PPM1L: variants seen among roughly 807,000 people sequenced by gnomAD.
The protein encoded by PPM1L is protein phosphatase 1L.
PPM1L carries 13 observed loss-of-function variants against 31.4 expected under a neutral mutation model. The ratio of observed to expected loss-of-function variants is 0.41; its 90% CI spans 0.27 to 0.66. The LOEUF is 0.66. Ranked by LOEUF, PPM1L falls within the 30% of genes least tolerant of loss-of-function variation. The pLI is 0.29. For missense variants in PPM1L, 326 were observed against 453.7 expected (o/e 0.72, Z 2.56); for synonymous variants, 184 against 175.4 (o/e 1.05, Z -0.39).
At chr3:160,769,487 C>T (rs1184046992) in intron 1 of PPM1L, among the ~76,000 whole-genome samples, 2 of 152,080 alleles carry the variant, frequency 1.3e-5, no homozygotes, top group Non-Finnish European at 2.9e-5. Flanking sequence ...TAAGAAACTA[C>T]TAGTAGGTGT....
rs1714840191 is a variant in PPM1L at position 160,757,374 on chromosome 3, G to T, written c.399+667G>T. Among the ~76,000 whole-genome samples, 2 of 152,270 alleles carry T rather than the reference G, an allele frequency of 1.3e-5. 1 individual carries two copies. Among genetic ancestry groups the T allele is most frequent in the African/African-American group, 4.8e-5 (2 of 41,472 alleles). On this transcript the variant is annotated intron_variant, in intron 1 of 3. Coordinates refer to ENST00000498165, the MANE Select transcript of PPM1L (RefSeq NM_139245.4). ...GATGTCCCTGGCCTTTGCAGAGGTGGCTATGCCCGCAAAGGAGGCGGTGCT... is the reference window on the plus strand; with the variant it reads ...GATGTCCCTGGCCTTTGCAGAGGTGTCTATGCCCGCAAAGGAGGCGGTGCT...
intron 1 of PPM1L, among the ~76,000 whole-genome samples, chr3:160,826,729 C>G (rs937253351): frequency 1.3e-5 from 2 of 152,088 alleles, no homozygotes; most frequent in African/African-American, 4.8e-5. Flanking sequence ...ACATTTACAA[C>G]ACTCATTGAA....
intron 1 of PPM1L, among the ~76,000 whole-genome samples, chr3:160,809,572 C>CCCTGA (rs1712748655): frequency 6.6e-6 from 1 of 152,142 alleles, no homozygotes; most frequent in Non-Finnish European, 1.5e-5. Flanking sequence ...CTACTTTGTG[C>CCCTGA]CCTGACTTCT....
chr3:160,978,376 C>T (rs1366855156), intron 2 of PPM1L, among the ~76,000 whole-genome samples: 1 of 152,204 alleles, frequency 6.6e-6, no homozygotes, highest in East Asian at 1.9e-4. Context: ...CTGAGCAGAA[C>T]TGGTCTCCAC....
intron 1 of PPM1L, among the ~76,000 whole-genome samples, chr3:160,858,403 C>T (rs1300101938): frequency 1.3e-5 from 2 of 152,120 alleles, no homozygotes; most frequent in South Asian, 2.1e-4. Flanking sequence ...CCTGCCACCA[C>T]GCCCAGCTAA....
chr3:160,823,205 ATGT>A (rs1713255287), intron 1 of PPM1L, among the ~76,000 whole-genome samples: 2 of 152,146 alleles, frequency 1.3e-5, no homozygotes. Context: ...AAACTGGTTA[ATGT>A]TGTTTCCTAT....
At chr3:160,917,722 TA>T (rs755113382) in intron 1 of PPM1L, among the ~76,000 whole-genome samples, 1 of 151,768 alleles carries the variant, frequency 6.6e-6, no homozygotes, top group African/African-American at 2.4e-5. Flanking sequence ...AATCATATTT[TA>T]AAAAAAACAT....
At chr3:160,995,665 A>G (rs745750179) in intron 2 of PPM1L, among the ~76,000 whole-genome samples, 3 of 152,108 alleles carry the variant, frequency 2.0e-5, no homozygotes, top group Admixed American at 6.6e-5. Flanking sequence ...TGGCATATTG[A>G]TATGCTAATG....
At chr3:160,804,138 T>C (rs908311567) in intron 1 of PPM1L, among the ~76,000 whole-genome samples, 1 of 151,922 alleles carries the variant, frequency 6.6e-6, no homozygotes, top group Non-Finnish European at 1.5e-5. Context: ...TTCACCGTGT[T>C]AGCCAGGATG....
intron 1 of PPM1L, among the ~76,000 whole-genome samples, chr3:160,933,651 A>G (rs1714861514): frequency 6.6e-6 from 1 of 152,052 alleles, no homozygotes; most frequent in Non-Finnish European, 1.5e-5. Context: ...ATGCAAATAG[A>G]AAGCATACAT....
At chr3:160,873,136 T>C (rs1712375759) in intron 1 of PPM1L, among the ~76,000 whole-genome samples, 1 of 152,194 alleles carries the variant, frequency 6.6e-6, no homozygotes, top group Non-Finnish European at 1.5e-5. Context: ...GACTCTTTTC[T>C]TCCCACTGTT....
At chr3:161,012,711 A>G (rs1717936159) in intron 2 of PPM1L, among the ~76,000 whole-genome samples, 2 of 152,256 alleles carry the variant, frequency 1.3e-5, no homozygotes, top group African/African-American at 2.4e-5. Context: ...TTATTGGTCT[A>G]TTCAGCGATT....
chr3:160,774,011 C>A (rs1299704214), intron 1 of PPM1L, among the ~76,000 whole-genome samples: 1 of 152,160 alleles, frequency 6.6e-6, no homozygotes, highest in East Asian at 1.9e-4. Flanking sequence ...ATGGATTCAG[C>A]CATCCTTTCT....
intron 1 of PPM1L, among the ~76,000 whole-genome samples, chr3:160,858,639 T>C (rs943479645): frequency 3.3e-5 from 5 of 152,196 alleles, no homozygotes; most frequent in Non-Finnish European, 7.3e-5. Context: ...CTTTACTTAT[T>C]AGTTATATTT....
chr3:161,024,831 T>A (rs1436987340), intron 2 of PPM1L, among the ~76,000 whole-genome samples: 1 of 152,080 alleles, frequency 6.6e-6, no homozygotes, highest in Admixed American at 6.6e-5. Flanking sequence ...CTTTTCATGA[T>A]GGTTAGGCTG....
chr3:160,927,959 A>C (rs1041753197), intron 1 of PPM1L, among the ~76,000 whole-genome samples: 6 of 152,212 alleles, frequency 3.9e-5, no homozygotes, highest in African/African-American at 1.4e-4. Context: ...ATCATACCAC[A>C]AAGCCTGGAC....
rs540143248 is a variant in PPM1L at position 160,792,060 on chromosome 3, T to A, written c.399+35353T>A. Among the ~76,000 whole-genome samples the A allele has an allele frequency of 2.0e-5, 3 of 152,262 alleles. No individual in the cohort carries two copies. In the South Asian group the frequency reaches 6.2e-4, roughly 32 times the overall value. On this transcript the variant is annotated intron_variant, in intron 1 of 3. Coordinates refer to ENST00000498165, the MANE Select transcript of PPM1L (RefSeq NM_139245.4). ...TGGCTGAACTACTGTGGTAATAGTC[T>A]AATGTCAGCATGCACCCAGGTAATA...
chr3:160,975,807 T>C (rs1471238745), intron 2 of PPM1L, among the ~76,000 whole-genome samples: 2 of 151,818 alleles, frequency 1.3e-5, no homozygotes, highest in African/African-American at 2.4e-5. Context: ...TATACAATCA[T>C]GTCATCTGCA....
intron 1 of PPM1L, among the ~76,000 whole-genome samples, chr3:160,862,704 A>ACACACACACAC (rs1560130385): frequency 8.5e-6 from 1 of 117,782 alleles, no homozygotes. Context: ...ACACACACAC[A>ACACACACACAC]AAATTCTGAA....
Sources: allele counts gnomAD v4.1 joint callset (sites outside exome capture counted in the v4.1 genomes callset), GRCh38; gene constraint gnomAD v4.1.1; transcripts MANE v1.5; gene names NCBI Gene and HGNC (gene_info 2026-07-23, HGNC 2026-07-21).